Variants in LUZP2 observed in about 807,000 individuals in gnomAD.
The protein encoded by LUZP2 is leucine zipper protein 2.
A neutral mutation model predicts 51.6 loss-of-function variants in LUZP2; 52 were observed. The observed-to-expected ratio is 1.01, with a 90% CI of 0.81 to 1.27. LUZP2 has a LOEUF of 1.27. Ranked by LOEUF, LUZP2 falls within the 50% of genes most tolerant of loss-of-function variation. The probability of loss-of-function intolerance (pLI) is 0.00; values close to 1 mark genes in which losing one functional copy is unlikely to be tolerated. For synonymous variants in LUZP2, 154 were observed against 137.3 expected (o/e 1.12, Z -0.85); for missense variants, 436 against 395.4 (o/e 1.10, Z -0.87).
rs1277388215 is a variant in LUZP2 at position 24,922,825 on chromosome 11, C to CTTTTTTTTTTTTTTTTTT, written c.522+8298_522+8299insTTTTTTTTTTTTTTTTTT. ...GGACTACCAAGTGGCACAGTTATAT[C>CTTTTTTTTTTTTTTTTTT]TTTTTTTTTTTCTTTTTTTTTTTTT... On this transcript the variant is annotated intron_variant, in intron 7 of 11. Coordinates refer to ENST00000336930, the MANE Select transcript of LUZP2 (RefSeq NM_001009909.4). Among the ~76,000 whole-genome samples the CTTTTTTTTTTTTTTTTTT allele has an allele frequency of 1.6e-4, 7 of 44,622 alleles. 3 individuals carry two copies. The highest frequency in any genetic ancestry group is 3.2e-4 in the Non-Finnish European group (5 of 15,580). The allele number at this position is 44,622 out of a possible 152,430, so 29.3% of individuals were successfully genotyped here. A position where few individuals can be genotyped will look rare whatever the true frequency, so the allele number is the denominator to read the frequency against.
At chr11:24,984,262 C>T (rs985266734) in intron 9 of LUZP2, among the ~76,000 whole-genome samples, 2 of 151,300 alleles carry the variant, frequency 1.3e-5, no homozygotes, top group African/African-American at 4.8e-5. Context: ...TTACTGCTTA[C>T]TTCTGAGATT....
At chr11:24,891,535 T>A in intron 5 of LUZP2, 1 of 940,986 alleles carries the variant, frequency 1.1e-6, no homozygotes, top group Non-Finnish European at 1.3e-6. Flanking sequence ...ATATTCTATA[T>A]TTCTAGCAAG....
intron 5 of LUZP2, among the ~76,000 whole-genome samples, chr11:24,856,239 A>T (rs1851560587): frequency 6.6e-6 from 1 of 152,052 alleles, no homozygotes; most frequent in Non-Finnish European, 1.5e-5. Flanking sequence ...CAAGGAACTT[A>T]ACAACAAGAA....
At chr11:24,851,058 A>G (rs1420449703) in intron 5 of LUZP2, among the ~76,000 whole-genome samples, 1 of 152,174 alleles carries the variant, frequency 6.6e-6, no homozygotes, top group African/African-American at 2.4e-5. Flanking sequence ...TCATCTGTAA[A>G]CAGAGACAAT....
At position 24,889,102 on chromosome 11, in the gene LUZP2, C is replaced by A. The variant is rs141039756; in HGVS notation, c.397-16889C>A. Among the ~76,000 whole-genome samples the A allele has an allele frequency of 2.3e-3, 356 of 152,312 alleles. 2 individuals carry two copies. The highest frequency in any genetic ancestry group is 8.1e-3 in the African/African-American group (335 of 41,578). ...GGTGGTATGCAGGGTCTACCTTCCA[C>A]TTACAGAAGCCAAAAGGGGATGGAT... On this transcript the variant is annotated intron_variant, in intron 5 of 11. Coordinates refer to ENST00000336930, the MANE Select transcript of LUZP2 (RefSeq NM_001009909.4).
In LUZP2 at chr11:24,652,333, C is replaced by T. The variant is rs534938458; in HGVS notation, c.63-76836C>T. Among the ~76,000 whole-genome samples, 13 of 152,076 alleles carry T rather than the reference C, an allele frequency of 8.5e-5. No individual in the cohort carries two copies. In the East Asian group the frequency reaches 1.5e-3, roughly 18 times the overall value. On this transcript the variant is annotated intron_variant, in intron 1 of 11. Coordinates refer to ENST00000336930, the MANE Select transcript of LUZP2 (RefSeq NM_001009909.4). ...CACATAGCTATAATTTAAGAAGATA[C>T]GTGTTAAAATACTTATCAATTTTAA...
chr11:24,633,789 T>A (rs1854974387), intron 1 of LUZP2, among the ~76,000 whole-genome samples: 1 of 151,946 alleles, frequency 6.6e-6, no homozygotes, highest in Non-Finnish European at 1.5e-5. Flanking sequence ...ATATAGCAAC[T>A]GCATGAATTT....
At chr11:24,692,420 G>T (rs545972844) in intron 1 of LUZP2, among the ~76,000 whole-genome samples, 2 of 152,022 alleles carry the variant, frequency 1.3e-5, no homozygotes, top group Admixed American at 6.6e-5. Flanking sequence ...AAGAATATAC[G>T]GTCTTTTTTA....
intron 5 of LUZP2, among the ~76,000 whole-genome samples, chr11:24,818,363 T>G (rs1850249035): frequency 6.6e-6 from 1 of 152,124 alleles, no homozygotes; most frequent in Non-Finnish European, 1.5e-5. Context: ...GGGCATATTT[T>G]GTTTCTGTAC....
At chr11:24,600,281 C>T (rs192857218) in intron 1 of LUZP2, among the ~76,000 whole-genome samples, 53 of 151,928 alleles carry the variant, frequency 3.5e-4, no homozygotes, top group African/African-American at 1.3e-3. Flanking sequence ...CCTGTTGCAG[C>T]TTAGGCCGAG....
intron 5 of LUZP2, among the ~76,000 whole-genome samples, chr11:24,882,995 G>C (rs1455258774): frequency 6.7e-6 from 1 of 149,050 alleles, no homozygotes; most frequent in Admixed American, 6.8e-5. Context: ...AGGAAGGAAA[G>C]AAAAGAAAAG....
Position 24,926,475 on chromosome 11 carries a change from ATG to A in LUZP2, c.522+11945_522+11946del, listed in dbSNP as rs201101255. 4.6e-3 allele frequency among the ~76,000 whole-genome samples: 543 copies of A among 119,330 alleles called. 16 individuals carry two copies. The highest frequency in any genetic ancestry group is 0.017 in the African/African-American group (513 of 30,594). 78.3% of individuals were successfully genotyped at this position (119,330 alleles called of 152,430 possible). ...TGTGTGTATATATATACGTGTATAT[ATG>A]TGTGTGTATATATATGTGTATATAT... On this transcript the variant is annotated intron_variant, in intron 7 of 11. Coordinates refer to ENST00000336930, the MANE Select transcript of LUZP2 (RefSeq NM_001009909.4).
At chr11:24,962,424 T>C (rs552581018) in intron 7 of LUZP2, among the ~76,000 whole-genome samples, 2 of 152,220 alleles carry the variant, frequency 1.3e-5, no homozygotes, top group African/African-American at 4.8e-5. Context: ...GATTTGGTTT[T>C]TTCACATAGT....
chr11:24,576,594 A>C (rs998580496), intron 1 of LUZP2, among the ~76,000 whole-genome samples: 3 of 152,062 alleles, frequency 2.0e-5, no homozygotes, highest in African/African-American at 7.2e-5. Flanking sequence ...TTGTTAAAGA[A>C]AAAACACGCG....
At chr11:24,587,080 A>C (rs1265440650) in intron 1 of LUZP2, among the ~76,000 whole-genome samples, 51 of 152,148 alleles carry the variant, frequency 3.4e-4, no homozygotes. Flanking sequence ...CTTTCCTTGC[A>C]GAAAATTGGC....
chr11:24,866,765 T>C (rs974171156), intron 5 of LUZP2, among the ~76,000 whole-genome samples: 2 of 152,200 alleles, frequency 1.3e-5, no homozygotes, highest in East Asian at 3.9e-4. Context: ...ATAGAAATTG[T>C]GACATTTGTG....
chr11:25,077,074 T>C (rs986991691), intron 10 of LUZP2, among the ~76,000 whole-genome samples: 2 of 152,296 alleles, frequency 1.3e-5, no homozygotes, highest in African/African-American at 2.4e-5. Flanking sequence ...TAATTTTCCA[T>C]TGGAATTGTA....
chr11:24,949,672 T>G (rs1849893282), intron 7 of LUZP2, among the ~76,000 whole-genome samples: 1 of 151,572 alleles, frequency 6.6e-6, no homozygotes, highest in South Asian at 2.1e-4. Flanking sequence ...GAATGAAATT[T>G]TATACATGGA....
At chr11:24,541,103 A>T (rs548371748) in intron 1 of LUZP2, among the ~76,000 whole-genome samples, 1 of 151,894 alleles carries the variant, frequency 6.6e-6, no homozygotes, top group East Asian at 2.0e-4. Context: ...AAATACAAAA[A>T]TTAGCCGGGC....
Sources: allele counts gnomAD v4.1 joint callset (sites outside exome capture counted in the v4.1 genomes callset), GRCh38; gene constraint gnomAD v4.1.1; transcripts MANE v1.5; gene names NCBI Gene and HGNC (gene_info 2026-07-23, HGNC 2026-07-21).